FER1L6: variants seen among roughly 807,000 people sequenced by gnomAD.
FER1L6 encodes the protein fer-1 like family member 6, also known as fer-1-like protein 6.
FER1L6 carries 177 observed loss-of-function variants against 219.2 expected under a neutral mutation model. The ratio of observed to expected loss-of-function variants is 0.81; its 90% CI spans 0.71 to 0.91. The LOEUF is 0.91. Ranked by LOEUF, FER1L6 falls within the 40% of genes least tolerant of loss-of-function variation. The pLI is 0.00. For synonymous variants in FER1L6, 768 were observed against 824.3 expected, an observed-to-expected ratio of 0.93 and a Z score of 1.17; for missense variants, 2,153 against 2,259.9, an observed-to-expected ratio of 0.95 and a Z score of 0.96.
intron 1 of FER1L6, among the ~76,000 whole-genome samples, chr8:123,875,873 C>T (rs146342552): frequency 9.1e-4 from 138 of 152,308 alleles, no homozygotes; most frequent in Admixed American, 4.1e-3. Flanking sequence ...AAGCTAACCA[C>T]GTCCACCATC....
intron 8 of FER1L6, among the ~76,000 whole-genome samples, chr8:123,975,688 T>C (rs1389349052): frequency 6.6e-6 from 1 of 152,188 alleles, no homozygotes. Flanking sequence ...ATTTATCCTA[T>C]CCTAGGACCT....
intron 1 of FER1L6, among the ~76,000 whole-genome samples, chr8:123,867,029 T>C (rs1380527785): frequency 1.3e-5 from 2 of 152,236 alleles, no homozygotes; most frequent in Non-Finnish European, 1.5e-5. Flanking sequence ...GAGTTGTCTC[T>C]TTATTGTTTC....
intron 1 of FER1L6, among the ~76,000 whole-genome samples, chr8:123,926,479 G>A (rs758823908): frequency 2.6e-5 from 4 of 152,306 alleles, no homozygotes; most frequent in Admixed American, 6.5e-5. Context: ...GTTCGTCACC[G>A]GGAAGGCTAG....
chr8:124,100,243 C>T (rs1822491915), intron 37 of FER1L6, among the ~76,000 whole-genome samples: 1 of 152,142 alleles, frequency 6.6e-6, no homozygotes, highest in Non-Finnish European at 1.5e-5. Context: ...AATTAATTCA[C>T]CATGGACCAA....
chr8:124,046,015 TA>T, intron 21 of FER1L6, 114 bp downstream of exon 21: 1 of 1,244,186 alleles, frequency 8.0e-7, no homozygotes, highest in Non-Finnish European at 1.1e-6. Flanking sequence ...GTGAGAACAC[TA>T]GATGTACCTA....
intron 39 of FER1L6, among the ~76,000 whole-genome samples, chr8:124,106,328 CAAAAAAAAAAAAAAAAAAAAA>C (rs71289636): frequency 1.3e-3 from 85 of 63,858 alleles, no homozygotes; most frequent in African/African-American, 5.0e-3. Flanking sequence ...GACTCTGTCT[CAAAAAAAAAAAAAAAAAAAAA>C]AAAAAAAAAA....
chr8:124,015,603 A>ATGTATG (rs368834848), intron 15 of FER1L6, among the ~76,000 whole-genome samples: 4 of 99,382 alleles, frequency 4.0e-5, no homozygotes, highest in African/African-American at 2.5e-4. Context: ...ATATATATAT[A>ATGTATG]TATATATATA....
In FER1L6 at chr8:123,853,395, T is replaced by C. The variant is rs1816559523; in HGVS notation, c.-8+1210T>C. Among the ~76,000 whole-genome samples, 1 of 152,084 alleles carries C rather than the reference T, an allele frequency of 6.6e-6. No homozygotes were observed. The highest frequency in any genetic ancestry group is 6.6e-5 in the Admixed American group (1 of 15,258). On this transcript the variant is annotated intron_variant, in intron 1 of 40. Transcript: ENST00000522917. The surrounding 1 kb of genome is among the most constrained non-coding windows in gnomAD (Gnocchi z 6.6). ...GTCTCAAACTTCTGACCTCAAACGA[T>C]CCACCCACCTCAGCCTCCCAAAGTG... is the stretch of plus-strand genomic sequence containing the variant.
intron 39 of FER1L6, among the ~76,000 whole-genome samples, chr8:124,118,046 A>C (rs776019502): frequency 7.9e-5 from 12 of 152,194 alleles, no homozygotes; most frequent in African/African-American, 1.2e-4. Context: ...CTCTGTCACC[A>C]AGAATAGGAG....
At chr8:124,084,272 C>T (rs1469619251) in intron 33 of FER1L6, among the ~76,000 whole-genome samples, 1 of 151,658 alleles carries the variant, frequency 6.6e-6, no homozygotes, top group Non-Finnish European at 1.5e-5. Flanking sequence ...TCTGATTGCT[C>T]TAGCTAGGAT....
rs752074909 is a variant in FER1L6, at chr8:124,091,507, C to G, written c.4476C>G (p.Pro1492=). The change falls in exon 34 of 41, where the codon CCC becomes CCG. Residue 1492 remains proline (P), a synonymous_variant. Transcript: ENST00000522917. The part of the protein sequence containing the change: ...KLCKDNKLDG[P]YFHPGKIQIG... ...GCAAAGACAACAAGCTGGATGGACCCTACTTTCACCCTGGGAAAATACAGA... is the reference window on the plus strand; with the variant it reads ...GCAAAGACAACAAGCTGGATGGACCGTACTTTCACCCTGGGAAAATACAGA... The G allele has an allele frequency of 7.4e-6, 12 of 1,613,928 alleles. No homozygotes were observed. The highest frequency in any genetic ancestry group is 2.7e-5 in the African/African-American group (2 of 74,922).
chr8:123,907,044 T>C (rs1812967135), intron 1 of FER1L6, among the ~76,000 whole-genome samples: 1 of 152,192 alleles, frequency 6.6e-6, no homozygotes, highest in Non-Finnish European at 1.5e-5. Flanking sequence ...CTCATGTCTG[T>C]CACTGTTGCA....
At chr8:124,004,872 C>T (rs929424863) in intron 13 of FER1L6, among the ~76,000 whole-genome samples, 5 of 151,938 alleles carry the variant, frequency 3.3e-5, no homozygotes, top group African/African-American at 1.2e-4. Context: ...GTGGCGGGCA[C>T]CTGTGATCCC....
At chr8:123,947,942 C>T (rs896848317) in intron 1 of FER1L6, among the ~76,000 whole-genome samples, 2 of 152,090 alleles carry the variant, frequency 1.3e-5, no homozygotes, top group African/African-American at 4.8e-5. Flanking sequence ...AGCAATGGTT[C>T]GTGGACAAGA....
At chr8:124,019,853 A>G (rs1389940619) in intron 16 of FER1L6, among the ~76,000 whole-genome samples, 5 of 152,246 alleles carry the variant, frequency 3.3e-5, no homozygotes, top group Non-Finnish European at 5.9e-5. Flanking sequence ...GGATCAGGAA[A>G]ACATGGGGGA....
rs866151284 is a variant in FER1L6, at chr8:124,082,301, C to T, written c.4234C>T (p.Gln1412Ter). The T allele has an allele frequency of 1.9e-6, 3 of 1,612,744 alleles. No homozygotes were observed. Among genetic ancestry groups the T allele is most frequent in the Admixed American group, 3.3e-5 (2 of 59,852 alleles). ...NPVFGRSFEI[Q>*]ATFPKESLLS... Reference sequence around the variant, plus strand: ...CTTGGACCGCAGGTCATTTGAGATCCAAGCCACATTCCCAAAAGAGTCCCT... The same window carrying T: ...CTTGGACCGCAGGTCATTTGAGATCTAAGCCACATTCCCAAAAGAGTCCCT... Residue 1412 changes from glutamine to a stop codon, truncating the protein, a stop_gained, in exon 33 of 41, where the codon CAA (glutamine) becomes TAA (stop). Coordinates refer to ENST00000522917, the MANE Select transcript of FER1L6 (RefSeq NM_001039112.2). LOFTEE classifies it high-confidence loss of function.
intron 20 of FER1L6, among the ~76,000 whole-genome samples, chr8:124,042,623 C>T (rs530727590): frequency 2.2e-4 from 33 of 152,294 alleles, no homozygotes; most frequent in African/African-American, 6.3e-4. Flanking sequence ...TCTGCGCTAA[C>T]ACAGAGGGAC....
intron 2 of FER1L6, among the ~76,000 whole-genome samples, chr8:123,958,318 C>T (rs1815109097): frequency 6.6e-6 from 1 of 152,160 alleles, no homozygotes; most frequent in Non-Finnish European, 1.5e-5. Flanking sequence ...GGGGGCATGG[C>T]CGAGGTCTCT....
intron 18 of FER1L6, among the ~76,000 whole-genome samples, chr8:124,024,389 T>C (rs1818614254): frequency 6.6e-6 from 1 of 151,172 alleles, no homozygotes; most frequent in Admixed American, 6.6e-5. Context: ...GTGTCCTTTA[T>C]ACCACTCTGT....
Sources: allele counts gnomAD v4.1 joint callset (sites outside exome capture counted in the v4.1 genomes callset), GRCh38; gene constraint gnomAD v4.1.1; non-coding constraint Gnocchi (gnomAD v3.1); transcripts MANE v1.5; gene names NCBI Gene and HGNC (gene_info 2026-07-23, HGNC 2026-07-21).